Variants in GLIS3 observed in about 807,000 individuals in gnomAD.
GLIS3 encodes GLIS family zinc finger 3, also known as zinc finger protein GLIS3.
In GLIS3, 53 loss-of-function variants were observed where a neutral mutation model predicts 78.6. The ratio of observed to expected loss-of-function variants is 0.67; its 90% CI spans 0.54 to 0.85. The LOEUF (loss-of-function observed/expected upper bound fraction) is 0.85, where lower values mean the gene tolerates loss of function less well. Ranked by LOEUF, GLIS3 falls within the 40% of genes least tolerant of loss-of-function variation. GLIS3 has a pLI of 0.00. For synonymous variants in GLIS3, 684 were observed against 509.9 expected, an observed-to-expected ratio of 1.34 and a Z score of -4.60; for missense variants, 1,703 against 1,231.1, an observed-to-expected ratio of 1.38 and a Z score of -5.74.
At chr9:4,220,688 G>A (rs1821255419) in intron 2 of GLIS3, among the ~76,000 whole-genome samples, 2 of 151,814 alleles carry the variant, frequency 1.3e-5, no homozygotes, top group Non-Finnish European at 2.9e-5. Flanking sequence ...AGGAGCCAGG[G>A]GTTCAAGGCC....
At chr9:4,275,766 A>G (rs1238019050) in intron 2 of GLIS3, among the ~76,000 whole-genome samples, 1 of 152,118 alleles carries the variant, frequency 6.6e-6, no homozygotes, top group Non-Finnish European at 1.5e-5. Context: ...CAGTCTCTAT[A>G]AATAAATAAG....
At chr9:3,952,695 T>C (rs1290316649) in intron 4 of GLIS3, among the ~76,000 whole-genome samples, 2 of 152,210 alleles carry the variant, frequency 1.3e-5, no homozygotes, top group Non-Finnish European at 1.5e-5. Flanking sequence ...AATTTTTGTA[T>C]GGAAACAACA....
chr9:4,128,982 G>A (rs1346461809), intron 2 of GLIS3, among the ~76,000 whole-genome samples: 1 of 152,186 alleles, frequency 6.6e-6, no homozygotes, highest in Non-Finnish European at 1.5e-5. Context: ...TGGTATCCTT[G>A]AAGCATGAAA....
chr9:4,014,299 G>A (rs1207290678), intron 4 of GLIS3, among the ~76,000 whole-genome samples: 2 of 152,088 alleles, frequency 1.3e-5, no homozygotes, highest in Non-Finnish European at 2.9e-5. Flanking sequence ...AAATTGTACT[G>A]GGCTAAATGG....
intron 9 of GLIS3, among the ~76,000 whole-genome samples, chr9:3,832,063 T>C (rs1455220382): frequency 6.6e-6 from 1 of 151,266 alleles, no homozygotes; most frequent in Non-Finnish European, 1.5e-5. Flanking sequence ...AACTGTGTAG[T>C]CTTGGCAAAT....
chr9:3,951,880 A>ACACACACACG (rs1554654422), intron 4 of GLIS3, among the ~76,000 whole-genome samples: 18 of 150,334 alleles, frequency 1.2e-4, no homozygotes, highest in Admixed American at 8.6e-4. Context: ...ACACACACAC[A>ACACACACACG]CACACGCACG....
chr9:4,490,284 A>C, the GLIS3 span, among the ~76,000 whole-genome samples: 3 of 152,208 alleles, frequency 2.0e-5, no homozygotes, highest in African/African-American at 4.8e-5. Context: ...GTTCCCGGAG[A>C]GGCCGCCCCA....
intron 2 of GLIS3, among the ~76,000 whole-genome samples, chr9:4,162,395 C>G (rs1302341390): frequency 6.6e-6 from 1 of 152,094 alleles, no homozygotes; most frequent in Non-Finnish European, 1.5e-5. Context: ...TGATTCTCAG[C>G]CAGTATCCTT....
At chr9:4,365,774 T>C in the GLIS3 span, among the ~76,000 whole-genome samples, 1 of 152,144 alleles carries the variant, frequency 6.6e-6, no homozygotes, top group South Asian at 2.1e-4. Flanking sequence ...TTTTACATAA[T>C]ATAGTGGAAA....
chr9:4,353,769 G>T, the GLIS3 span, among the ~76,000 whole-genome samples: 1 of 152,134 alleles, frequency 6.6e-6, no homozygotes, highest in Non-Finnish European at 1.5e-5. Context: ...AAAGATGTAT[G>T]TTCTGAATTA....
chr9:3,996,423 G>A (rs1275420436), intron 4 of GLIS3, among the ~76,000 whole-genome samples: 1 of 152,174 alleles, frequency 6.6e-6, no homozygotes, highest in African/African-American at 2.4e-5. Context: ...GGAGGATGGG[G>A]TGACATTCTG....
intron 2 of GLIS3, among the ~76,000 whole-genome samples, chr9:4,311,239 T>C (rs2130526764): frequency 6.6e-6 from 1 of 152,082 alleles, no homozygotes; most frequent in East Asian, 1.9e-4. Flanking sequence ...CGAAACCCCG[T>C]CTCTACTAAA....
At chr9:4,342,424 C>G (rs185024764) in intron 2 of GLIS3, among the ~76,000 whole-genome samples, 43 of 152,258 alleles carry the variant, frequency 2.8e-4, no homozygotes, top group African/African-American at 9.6e-4. Flanking sequence ...GGCTTTATTT[C>G]TGGGTTCTCT....
At position 3,976,153 on chromosome 9, in the gene GLIS3, C is replaced by A. The variant is rs538212139; in HGVS notation, c.1711-38964G>T. Among the ~76,000 whole-genome samples the A allele has an allele frequency of 1.2e-4, 18 of 152,224 alleles. No individual in the cohort carries two copies. In the South Asian group the frequency reaches 3.5e-3, roughly 30 times the overall value. On this transcript the variant is annotated intron_variant, in intron 4 of 10. Coordinates refer to ENST00000381971, the MANE Select transcript of GLIS3 (RefSeq NM_001042413.2). Reference sequence around the variant, plus strand: ...ACAATTTGTGACAAATGCAATCCTGCCCCCATATGTTTTGTACTATTTAAA... The same window carrying A: ...ACAATTTGTGACAAATGCAATCCTGACCCCATATGTTTTGTACTATTTAAA...
chr9:3,967,531 G>C (rs1208635788), intron 4 of GLIS3, among the ~76,000 whole-genome samples: 1 of 152,022 alleles, frequency 6.6e-6, no homozygotes, highest in Admixed American at 6.6e-5. Context: ...GAAAAGAAAA[G>C]AAAGATATTA....
chr9:3,833,154 G>A (rs1818144380), intron 9 of GLIS3, among the ~76,000 whole-genome samples: 1 of 152,132 alleles, frequency 6.6e-6, no homozygotes, highest in Non-Finnish European at 1.5e-5. Flanking sequence ...CTGCCTGTGG[G>A]TGTCTTGGCT....
chr9:4,194,970 C>A lies in GLIS3; in HGVS notation c.389-69029G>T, dbSNP rs545142092. On this transcript the variant is annotated intron_variant, in intron 2 of 10. Transcript: ENST00000381971. ...CTGTGACAACCTGGCAGTGTAGCCACAAAGGCATTTTAGTCTCAGCCCAGA... is the reference window on the plus strand; with the variant it reads ...CTGTGACAACCTGGCAGTGTAGCCAAAAAGGCATTTTAGTCTCAGCCCAGA... 4.1e-4 allele frequency among the ~76,000 whole-genome samples: 63 copies of A among 152,078 alleles called. 1 individual carries two copies. Among genetic ancestry groups the A allele is most frequent in the African/African-American group, 1.4e-3 (60 of 41,586 alleles).
the GLIS3 span, among the ~76,000 whole-genome samples, chr9:4,373,670 CTTTT>C: frequency 1.4e-5 from 2 of 139,750 alleles, no homozygotes; most frequent in African/African-American, 2.6e-5. Flanking sequence ...ATTTTCTTTT[CTTTT>C]TTTTTTTTTT....
intron 2 of GLIS3, among the ~76,000 whole-genome samples, chr9:4,188,333 C>T (rs1818000876): frequency 6.7e-6 from 1 of 148,394 alleles, no homozygotes; most frequent in African/African-American, 2.5e-5. Flanking sequence ...GCCTTGCATC[C>T]CAGGGATGAA....
Sources: allele counts gnomAD v4.1 joint callset (sites outside exome capture counted in the v4.1 genomes callset), GRCh38; gene constraint gnomAD v4.1.1; transcripts MANE v1.5; gene names NCBI Gene and HGNC (gene_info 2026-07-23, HGNC 2026-07-21).